PFKFB1: variants seen among roughly 807,000 people sequenced by gnomAD.
The protein encoded by PFKFB1 is 6-phosphofructo-2-kinase/fructose-2,6-biphosphatase 1, also known as 6-phosphofructo-2-kinase/fructose-2,6-bisphosphatase 1.
In PFKFB1, 34 loss-of-function variants were observed where a neutral mutation model predicts 46.4. The observed-to-expected ratio is 0.73, with a 90% CI of 0.56 to 0.98. The LOEUF (loss-of-function observed/expected upper bound fraction) is 0.98. Ranked by LOEUF, PFKFB1 falls within the 50% of genes least tolerant of loss-of-function variation. PFKFB1 has a pLI of 0.00. For synonymous variants in PFKFB1, 119 were observed against 133.8 expected, an observed-to-expected ratio of 0.89 and a Z score of 0.76; for missense variants, 393 against 376.3, an observed-to-expected ratio of 1.04 and a Z score of -0.37.
In PFKFB1 at chrX:54,953,431, C is replaced by G. The variant is rs1196209781; in HGVS notation, c.639-1319G>C. Among the ~76,000 whole-genome samples, 7 of 111,829 alleles carry G rather than the reference C, an allele frequency of 6.3e-5. No homozygotes were observed. The East Asian group carries it at 2.0e-3, about 31-fold the overall frequency. On this transcript the variant is annotated intron_variant, in intron 7 of 13. Transcript: ENST00000375006. ...TGTTGAACACTTTCTGTGCATCTGG[C>G]AGGGAGTGGGAACTTTTAAGCGCAT...
At chrX:54,992,313 G>A (rs1210047997) in intron 1 of PFKFB1, among the ~76,000 whole-genome samples, 4 of 112,041 alleles carry the variant, frequency 3.6e-5, no homozygotes, top group Admixed American at 9.4e-5. Flanking sequence ...CAATTACTGC[G>A]TATGTACTAT....
At chrX:54,944,332 C>G (rs759509383) in intron 10 of PFKFB1, among the ~76,000 whole-genome samples, 1 of 111,153 alleles carries the variant, frequency 9.0e-6, no homozygotes, top group African/African-American at 3.3e-5. Flanking sequence ...AGAGAAAAAA[C>G]TAAGCAGAGA....
upstream of PFKFB1, chrX:54,994,676 G>A (rs926304895): frequency 3.6e-5 from 27 of 752,360 alleles, no homozygotes; most frequent in East Asian, 3.1e-4. Context: ...CTGCTTCCCC[G>A]ACCCAAAATG....
intron 10 of PFKFB1, among the ~76,000 whole-genome samples, chrX:54,939,831 C>G (rs185981700): frequency 3.6e-5 from 4 of 111,976 alleles, no homozygotes; most frequent in African/African-American, 1.3e-4. Context: ...GGAACTGGTA[C>G]CATTCCGTCT....
At chrX:54,985,312 A>C (rs1935087686) in intron 1 of PFKFB1, among the ~76,000 whole-genome samples, 1 of 111,377 alleles carries the variant, frequency 9.0e-6, no homozygotes, top group Admixed American at 9.6e-5. Context: ...GGACACTGCC[A>C]AACAAACAAA....
At chrX:54,997,762 G>A (rs142908123), upstream of PFKFB1, among the ~76,000 whole-genome samples, 60 of 111,652 alleles carry the variant, frequency 5.4e-4, no homozygotes, top group East Asian at 0.015. Context: ...CACTATTTTC[G>A]GCCTCATGCC....
chrX:54,942,916 G>A (rs1317768047), intron 10 of PFKFB1, among the ~76,000 whole-genome samples: 1 of 111,343 alleles, frequency 9.0e-6, no homozygotes, highest in Non-Finnish European at 1.9e-5. Flanking sequence ...ATAGTGACTA[G>A]AAGATAAAGC....
intron 1 of PFKFB1, among the ~76,000 whole-genome samples, chrX:54,977,941 G>A (rs985782381): frequency 9.0e-6 from 1 of 111,033 alleles, no homozygotes; most frequent in African/African-American, 3.3e-5. Flanking sequence ...CCTATAGAAT[G>A]TGCAACTCCA....
chrX:54,936,772 A>G (rs894830271), intron 11 of PFKFB1, among the ~76,000 whole-genome samples: 2 of 112,070 alleles, frequency 1.8e-5, no homozygotes. Flanking sequence ...CCTGGGTTCC[A>G]ATTCTGGATG....
intron 1 of PFKFB1, among the ~76,000 whole-genome samples, chrX:54,970,390 GGTTA>G (rs1464240274): frequency 1.4e-4 from 15 of 106,853 alleles, no homozygotes; most frequent in Non-Finnish European, 2.7e-4. Context: ...ACAATGTGCA[GGTTA>G]GTTACATATG....
intron 1 of PFKFB1, among the ~76,000 whole-genome samples, chrX:54,976,258 T>C (rs188286791): frequency 9.0e-6 from 1 of 111,454 alleles, no homozygotes; most frequent in South Asian, 3.6e-4. Flanking sequence ...ATCCAAAATA[T>C]ATAAATAACA....
At chrX:54,979,073 TTG>T (rs1934907097) in intron 1 of PFKFB1, among the ~76,000 whole-genome samples, 1 of 112,025 alleles carries the variant, frequency 8.9e-6, no homozygotes, top group African/African-American at 3.2e-5. Context: ...TTTATTAGTT[TTG>T]ACAAATATAC....
chrX:54,934,984 AG>A lies in PFKFB1; in HGVS notation c.1253del (p.Pro418LeufsTer22). On this transcript the variant is annotated frameshift_variant, in exon 12 of 14. Transcript: ENST00000375006. LOFTEE classifies it high-confidence loss of function. ...GAGTGAGTTTGAGCACTGTGTGCAG[AG>A]GGCACTTGAGATATGGAAGCTCATC... ...SSDELPYLKC[P>X]LHTVLKLTPV... The A allele has an allele frequency of 8.3e-7, 1 of 1,206,632 alleles. No individual in the cohort carries two copies. The highest frequency in any genetic ancestry group is 1.1e-6 in the Non-Finnish European group (1 of 891,679).
rs1934137409 is a variant in PFKFB1, at chrX:54,956,314, G to T, written c.517-40C>A. ...AACAGAGGTATCAAGGGAGACATTG[G>T]GAGACAGATGGTTTTCTTTGGAAGT... On this transcript the variant is annotated intron_variant, in intron 6 of 13. Coordinates refer to ENST00000375006, the MANE Select transcript of PFKFB1 (RefSeq NM_002625.4). 6.7e-6 allele frequency: 8 copies of T among 1,202,946 alleles called. No homozygotes were observed. In the Middle Eastern group the frequency reaches 1.9e-3, roughly 284 times the overall value.
At chrX:54,953,070 A>C (rs1050618302) in intron 7 of PFKFB1, among the ~76,000 whole-genome samples, 2 of 111,966 alleles carry the variant, frequency 1.8e-5, no homozygotes, top group African/African-American at 6.5e-5. Flanking sequence ...GGCACTGACT[A>C]ATCAGAAGAC....
chrX:54,972,097 G>A (rs1277874811), intron 1 of PFKFB1, among the ~76,000 whole-genome samples: 3 of 110,477 alleles, frequency 2.7e-5, no homozygotes, highest in African/African-American at 6.6e-5. Flanking sequence ...TCTCTTTGAA[G>A]CAATTGTGAA....
At chrX:54,939,916 C>G (rs1933556166) in intron 10 of PFKFB1, among the ~76,000 whole-genome samples, 1 of 111,548 alleles carries the variant, frequency 9.0e-6, no homozygotes, top group African/African-American at 3.3e-5. Context: ...ATCCTGATAC[C>G]AAAGCCAGGC....
Position 54,933,325 on chromosome X carries a change from TAGG to T in PFKFB1, c.*75_*77del, listed in dbSNP as rs777093841. The T allele has an allele frequency of 7.6e-5, 66 of 870,484 alleles. No homozygotes were observed. The South Asian group carries it at 9.8e-4, about 13-fold the overall frequency. 71.7% of individuals were successfully genotyped at this position (870,484 alleles called of 1,213,427 possible). On this transcript the variant is annotated 3_prime_UTR_variant, in exon 14 of 14. Coordinates refer to ENST00000375006, the MANE Select transcript of PFKFB1 (RefSeq NM_002625.4). The stretch of plus-strand genomic sequence containing the variant: ...GTGCCTCAGTGAGGCCAAGGCAGAG[TAGG>T]AGAAGAGCAAAGATAGCATTTCCTA...
rs770942135 is a variant in PFKFB1, at chrX:54,952,501, T to C, written c.639-389A>G. Among the ~76,000 whole-genome samples, 38 of 110,385 alleles carry C rather than the reference T, an allele frequency of 3.4e-4. No individual in the cohort carries two copies. The East Asian group carries it at 0.011, about 32-fold the overall frequency. ...AATGTCTTACTGGCAGCTCCTGACTTGTTCACTCCTCTACCCTTTCTGATC... is the reference window on the plus strand; with the variant it reads ...AATGTCTTACTGGCAGCTCCTGACTCGTTCACTCCTCTACCCTTTCTGATC... On this transcript the variant is annotated intron_variant, in intron 7 of 13. Transcript: ENST00000375006.
Sources: gnomAD v4.1 joint callset for allele counts (sites outside exome capture counted in the v4.1 genomes callset) on GRCh38, gnomAD v4.1.1 for gene constraint, MANE v1.5 for transcripts, NCBI Gene and HGNC (gene_info 2026-07-23, HGNC 2026-07-21) for gene names.